The following MAML1 variants were observed in gnomAD, a reference collection of about 807,000 sequenced individuals.
MAML1 encodes the protein mastermind-like protein 1.
MAML1 carries 14 observed loss-of-function variants against 77.1 expected under a neutral mutation model. The ratio of observed to expected loss-of-function variants is 0.18; its 90% CI spans 0.12 to 0.28. The LOEUF is 0.28. MAML1 is among the 10% of genes least tolerant of loss of function. MAML1 has a pLI of 1.00. For synonymous variants in MAML1, 516 were observed against 551.9 expected (o/e 0.93, Z 0.91); for missense variants, 1,217 against 1,327.8 (o/e 0.92, Z 1.30).
intron 1 of MAML1, among the ~76,000 whole-genome samples, chr5:179,751,043 G>A (rs961579936): frequency 2.0e-5 from 3 of 152,112 alleles, no homozygotes; most frequent in Non-Finnish European, 4.4e-5. Context: ...GCACGATCTT[G>A]GCTCACTGCA....
rs969971515 is a variant in MAML1, at chr5:179,769,508, G to A, written c.1971+419G>A. ...TCCCTGAGGGAAACACAGTTCACTC[G>A]CTTGGTTAGCAAGTGTAGTGTGCAG... On this transcript the variant is annotated intron_variant, in intron 3 of 4. Transcript: ENST00000292599. This position sits in a 1 kb window ranked among gnomAD's most constrained non-coding sequence, Gnocchi z 4.2. Among the ~76,000 whole-genome samples, 9 of 152,058 alleles carry A rather than the reference G, an allele frequency of 5.9e-5. No homozygotes were observed. Among genetic ancestry groups the A allele is most frequent in the African/African-American group, 1.4e-4 (6 of 41,424 alleles).
At chr5:179,740,372 G>A (rs1158500771) in intron 1 of MAML1, among the ~76,000 whole-genome samples, 1 of 152,096 alleles carries the variant, frequency 6.6e-6, no homozygotes, top group South Asian at 2.1e-4. Context: ...CCGGGTTCAC[G>A]CCATTTTCCT....
At chr5:179,747,666 C>T (rs146225036) in intron 1 of MAML1, among the ~76,000 whole-genome samples, 1,975 of 151,742 alleles carry the variant, frequency 0.013, 36 homozygotes, top group African/African-American at 0.045. Context: ...AAAAATTAGC[C>T]AGGTGAGGTG....
Position 179,769,042 on chromosome 5 carries a change from C to T in MAML1, c.1924C>T (p.Gln642Ter), listed in dbSNP as rs1755905600. The T allele has an allele frequency of 6.2e-7, 1 of 1,614,088 alleles. No homozygotes were observed. Among genetic ancestry groups the T allele is most frequent in the Non-Finnish European group, 8.5e-7 (1 of 1,180,052 alleles). Reference sequence around the variant, plus strand: ...AAGGGAGCAGCAGCAAAAGCATTTACAGCAACAGCAGTTCCTTCAGAGGCA... The same window carrying T: ...AAGGGAGCAGCAGCAAAAGCATTTATAGCAACAGCAGTTCCTTCAGAGGCA... ...KQREQQQKHLQQQQFLQRQQH... is the reference protein window; with the variant it reads ...KQREQQQKHL Residue 642 changes from glutamine (Q) to a stop codon, truncating the protein, a stop_gained, in exon 3 of 5, where the codon CAG becomes TAG. Transcript: ENST00000292599. LOFTEE classifies it high-confidence loss of function. The surrounding 1 kb of genome is among the most constrained non-coding windows in gnomAD (Gnocchi z 4.2).
At position 179,765,895 on chromosome 5, in the gene MAML1, C is replaced by T. The variant is rs760514083; in HGVS notation, c.885C>T (p.Asp295=). 6.2e-7 allele frequency: 1 copy of T among 1,614,106 alleles called. No homozygotes were observed. The highest frequency in any genetic ancestry group is 8.5e-7 in the Non-Finnish European group (1 of 1,180,038). ...GSATQTPLAQ[D]INIKTEFSPA... ...CCACACAAACCCCCTTGGCACAGGA[C>T]ATTAATATTAAGACGGAATTCTCTC... Residue 295 remains aspartate (D), a synonymous_variant, in exon 2 of 5, where the codon GAC becomes GAT. Transcript: ENST00000292599.
In MAML1 at chr5:179,776,337, C is replaced by T; in HGVS notation, c.*1460C>T. On this transcript the variant is annotated 3_prime_UTR_variant, in exon 5 of 5. Coordinates refer to ENST00000292599, the MANE Select transcript of MAML1 (RefSeq NM_014757.5). Reference sequence around the variant, plus strand: ...TGAGAATTGAGCCAAGGAAAATACTCATGCAACCAGCCTGAGTCGCGGTGA... The same window carrying T: ...TGAGAATTGAGCCAAGGAAAATACTTATGCAACCAGCCTGAGTCGCGGTGA... 1 of 985,884 alleles carries T rather than the reference C, an allele frequency of 1.0e-6. No individual in the cohort carries two copies. The highest frequency in any genetic ancestry group is 1.2e-6 in the Non-Finnish European group (1 of 829,960). 61.1% of individuals were successfully genotyped at this position (985,884 alleles called of 1,614,324 possible). A position where few individuals can be genotyped will look rare whatever the true frequency, so the allele number is the denominator to read the frequency against.
intron 1 of MAML1, among the ~76,000 whole-genome samples, chr5:179,736,400 G>C (rs746745414): frequency 5.3e-5 from 8 of 151,990 alleles, no homozygotes; most frequent in Non-Finnish European, 1.2e-4. Flanking sequence ...CTACAGGCTT[G>C]TGCCACCACG....
Position 179,774,072 on chromosome 5 carries a change from A to C in MAML1, c.2246A>C (p.Gln749Pro). 1 of 1,614,038 alleles carries C rather than the reference A, an allele frequency of 6.2e-7. No homozygotes were observed. The highest frequency in any genetic ancestry group is 1.3e-5 in the African/African-American group (1 of 75,066). Reference protein sequence around the residue: ...DRGVAQFPGSQNMPQSSLYGM... With the variant: ...DRGVAQFPGSPNMPQSSLYGM... Reference sequence around the variant, plus strand: ...GGTGTGGCTCAGTTCCCTGGCTCCCAAAACATGCCTCAGAGCAGCCTCTAT... The same window carrying C: ...GGTGTGGCTCAGTTCCCTGGCTCCCCAAACATGCCTCAGAGCAGCCTCTAT... Residue 749 changes from glutamine to proline, a missense_variant, in exon 5 of 5, where the codon CAA becomes CCA. Gln to Pro is a moderately conservative substitution (Grantham distance 76). Coordinates refer to ENST00000292599, the MANE Select transcript of MAML1 (RefSeq NM_014757.5).
At chr5:179,747,235 A>G (rs1779399332) in intron 1 of MAML1, among the ~76,000 whole-genome samples, 2 of 152,210 alleles carry the variant, frequency 1.3e-5, no homozygotes, top group African/African-American at 4.8e-5. Context: ...AGAGTCTGGC[A>G]TTGTACCTGC....
chr5:179,739,914 G>A (rs546624908), intron 1 of MAML1, among the ~76,000 whole-genome samples: 1 of 152,188 alleles, frequency 6.6e-6, no homozygotes, highest in East Asian at 1.9e-4. Context: ...GGGAACTGCT[G>A]TGTACAGTAG....
Position 179,766,418 on chromosome 5 carries a change from G to A in MAML1, c.1408G>A (p.Val470Met). Residue 470 changes from valine to methionine, a missense_variant, in exon 2 of 5, where the codon GTG becomes ATG. Transcript: ENST00000292599. This position sits in a 1 kb window ranked among gnomAD's most constrained non-coding sequence, Gnocchi z 4.0. ...CTCCAAACTGCTCATGATGCCTAGT[G>A]TGAATAAGAGTTCCCCTCGGCCCGG... is the stretch of plus-strand genomic sequence containing the variant. Reference protein sequence around the residue: ...TNSKLLMMPSVNKSSPRPGGP... With the variant: ...TNSKLLMMPSMNKSSPRPGGP... 6.2e-7 allele frequency: 1 copy of A among 1,612,898 alleles called. No homozygotes were observed. The highest frequency in any genetic ancestry group is 8.5e-7 in the Non-Finnish European group (1 of 1,179,428).
intron 1 of MAML1, among the ~76,000 whole-genome samples, chr5:179,762,222 G>A (rs1454581806): frequency 6.6e-6 from 1 of 152,140 alleles, no homozygotes; most frequent in Non-Finnish European, 1.5e-5. Context: ...GATAGGCAAA[G>A]GATTATCCTT....
chr5:179,773,220 C>T (rs1193022978), intron 4 of MAML1, among the ~76,000 whole-genome samples: 1 of 152,242 alleles, frequency 6.6e-6, no homozygotes, highest in African/African-American at 2.4e-5. Context: ...CAGCTCTTCC[C>T]TATCTGGCCG....
intron 1 of MAML1, among the ~76,000 whole-genome samples, chr5:179,746,507 G>T (rs893258807): frequency 3.9e-5 from 6 of 151,934 alleles, no homozygotes; most frequent in Non-Finnish European, 8.8e-5. Context: ...CCGAGTAGCT[G>T]GGATTACAGG....
At chr5:179,756,563 G>C (rs1779624816) in intron 1 of MAML1, among the ~76,000 whole-genome samples, 1 of 152,120 alleles carries the variant, frequency 6.6e-6, no homozygotes, top group Admixed American at 6.6e-5. Context: ...TTGGGAATCA[G>C]ATCAAACAGG....
At chr5:179,748,868 T>G (rs1488119008) in intron 1 of MAML1, among the ~76,000 whole-genome samples, 1 of 152,048 alleles carries the variant, frequency 6.6e-6, no homozygotes, top group Non-Finnish European at 1.5e-5. Context: ...TCTTCAAAAT[T>G]CTGAAGGAAA....
chr5:179,773,928 T>C lies in MAML1; in HGVS notation c.2102T>C (p.Leu701Ser), dbSNP rs1756065564. The change falls in exon 5 of 5, where the codon TTG becomes TCG. Residue 701 changes from leucine to serine, a missense_variant. Physicochemically the swap from Leu to Ser is moderately radical, Grantham distance 145. Transcript: ENST00000292599. Reference sequence around the variant, plus strand: ...GCTGCCGTGCCCGGCATGAACACCTTGGGTCCATCCAACTCCAGCTGTCCT... The same window carrying C: ...GCTGCCGTGCCCGGCATGAACACCTCGGGTCCATCCAACTCCAGCTGTCCT... ...SSAAVPGMNT[L>S]GPSNSSCPRV... The C allele has an allele frequency of 3.1e-6, 5 of 1,614,112 alleles. No individual in the cohort carries two copies. The Admixed American group carries it at 5.0e-5, about 16-fold the overall frequency.
chr5:179,741,520 G>A (rs1779283289), intron 1 of MAML1, among the ~76,000 whole-genome samples: 1 of 151,716 alleles, frequency 6.6e-6, no homozygotes, highest in Non-Finnish European at 1.5e-5. Flanking sequence ...CCCCGTCTCT[G>A]GTAAAAAATA....
At chr5:179,743,892 C>T (rs1330224243) in intron 1 of MAML1, among the ~76,000 whole-genome samples, 2 of 151,956 alleles carry the variant, frequency 1.3e-5, no homozygotes, top group Admixed American at 1.3e-4. Flanking sequence ...TTTATAGTTG[C>T]AGGGTATATA....
Sources: allele counts gnomAD v4.1 joint callset (sites outside exome capture counted in the v4.1 genomes callset), GRCh38; gene constraint gnomAD v4.1.1; non-coding constraint Gnocchi (gnomAD v3.1); transcripts MANE v1.5; gene names NCBI Gene and HGNC (gene_info 2026-07-23, HGNC 2026-07-21).